IL1RAPL1: variants seen among roughly 807,000 people sequenced by gnomAD.
The protein encoded by IL1RAPL1 is interleukin-1 receptor accessory protein-like 1.
IL1RAPL1 carries 3 observed loss-of-function variants against 48.4 expected under a neutral mutation model. That is an observed-to-expected ratio of 0.06 (90% confidence interval 0.03 to 0.16). The LOEUF (loss-of-function observed/expected upper bound fraction) is 0.16. IL1RAPL1 is among the 10% of genes least tolerant of loss of function. IL1RAPL1 has a pLI of 1.00. For synonymous variants in IL1RAPL1, 185 were observed against 187.7 expected, an observed-to-expected ratio of 0.99 and a Z score of 0.12; for missense variants, 349 against 530.6, an observed-to-expected ratio of 0.66 and a Z score of 3.36.
rs193282232 is a variant in IL1RAPL1 at position 29,184,753 on chromosome X, G to A, written c.83-98185G>A. On this transcript the variant is annotated intron_variant, in intron 2 of 10. Transcript: ENST00000378993. ...TGACCTCAAGTCATCTGCCTGCCTC[G>A]GCTTCCCAAAGTGCTAGGATTGCAA... is the stretch of plus-strand genomic sequence containing the variant. Among the ~76,000 whole-genome samples, 24 of 111,361 alleles carry A rather than the reference G, an allele frequency of 2.2e-4. No homozygotes were observed. In the East Asian group the frequency reaches 6.0e-3, roughly 28 times the overall value.
intron 6 of IL1RAPL1, among the ~76,000 whole-genome samples, chrX:29,741,989 G>A (rs147695404): frequency 0.029 from 2,898 of 100,029 alleles, 105 homozygotes; most frequent in African/African-American, 0.1. Flanking sequence ...GACCATATAC[G>A]ATCTCTTAAC....
intron 2 of IL1RAPL1, among the ~76,000 whole-genome samples, chrX:28,880,892 G>A (rs979155966): frequency 2.7e-5 from 3 of 111,540 alleles, no homozygotes; most frequent in East Asian, 5.6e-4. Context: ...AGAAATGTGT[G>A]CTTTTTAATT....
At chrX:28,911,037 A>G (rs1156856935) in intron 2 of IL1RAPL1, among the ~76,000 whole-genome samples, 2 of 111,507 alleles carry the variant, frequency 1.8e-5, no homozygotes, top group Non-Finnish European at 1.9e-5. Flanking sequence ...TTTAGCAAAG[A>G]AAATGCAAAT....
chrX:29,059,203 A>AT (rs59599473), intron 2 of IL1RAPL1, among the ~76,000 whole-genome samples: 7 of 110,136 alleles, frequency 6.4e-5, no homozygotes, highest in South Asian at 3.8e-4. Flanking sequence ...TGGAAAGTAG[A>AT]TTTTTTTTTG....
At chrX:29,681,951 T>G (rs1212326760) in intron 6 of IL1RAPL1, among the ~76,000 whole-genome samples, 1 of 111,481 alleles carries the variant, frequency 9.0e-6, no homozygotes, top group African/African-American at 3.3e-5. Context: ...CTTAAAAATA[T>G]TATGTGTTTC....
chrX:28,834,108 G>T (rs937452739), intron 2 of IL1RAPL1, among the ~76,000 whole-genome samples: 2 of 111,251 alleles, frequency 1.8e-5, no homozygotes, highest in African/African-American at 6.5e-5. Flanking sequence ...CTGATTAAAA[G>T]ATTACATTTC....
At chrX:28,972,565 C>T (rs982738457) in intron 2 of IL1RAPL1, among the ~76,000 whole-genome samples, 7 of 110,446 alleles carry the variant, frequency 6.3e-5, no homozygotes, top group African/African-American at 2.0e-4. Context: ...AGTGAAACCC[C>T]GTCTCCACTA....
chrX:28,972,540 C>T (rs1255975941), intron 2 of IL1RAPL1, among the ~76,000 whole-genome samples: 1 of 110,855 alleles, frequency 9.0e-6, no homozygotes, highest in African/African-American at 3.3e-5. Context: ...AGATCGAGAC[C>T]ATCCTGGCTA....
intron 2 of IL1RAPL1, among the ~76,000 whole-genome samples, chrX:29,160,076 C>A (rs1433964280): frequency 1.8e-5 from 2 of 111,876 alleles, no homozygotes; most frequent in Non-Finnish European, 1.9e-5. Context: ...GACTCAATGT[C>A]CTTATGTGGT....
At chrX:29,498,079 G>A (rs1714747492) in intron 5 of IL1RAPL1, among the ~76,000 whole-genome samples, 1 of 112,214 alleles carries the variant, frequency 8.9e-6, no homozygotes, top group Admixed American at 9.4e-5. Context: ...TGCCAATGAC[G>A]CTAACCATGA....
At chrX:29,489,301 T>A (rs1178110519) in intron 5 of IL1RAPL1, among the ~76,000 whole-genome samples, 1 of 111,379 alleles carries the variant, frequency 9.0e-6, no homozygotes, top group East Asian at 2.8e-4. Flanking sequence ...CTGTACATTA[T>A]ACAATTTTTG....
intron 1 of IL1RAPL1, among the ~76,000 whole-genome samples, chrX:28,706,505 C>T (rs1055285708): frequency 1.1e-4 from 12 of 108,303 alleles, no homozygotes; most frequent in East Asian, 5.8e-4. Flanking sequence ...CTCTGCTTCG[C>T]GGGTTCAAGT....
At chrX:29,608,622 C>G (rs190399237) in intron 5 of IL1RAPL1, among the ~76,000 whole-genome samples, 48 of 109,194 alleles carry the variant, frequency 4.4e-4, no homozygotes, top group African/African-American at 8.1e-4. Flanking sequence ...GTCAGGAGAT[C>G]GAGACCATCC....
At position 29,600,602 on chromosome X, in the gene IL1RAPL1, C is replaced by G. The variant is rs1202367295; in HGVS notation, c.704-67828C>G. Among the ~76,000 whole-genome samples, 4 of 111,354 alleles carry G rather than the reference C, an allele frequency of 3.6e-5. No homozygotes were observed. In the East Asian group the frequency reaches 1.1e-3, roughly 32 times the overall value. On this transcript the variant is annotated intron_variant, in intron 5 of 10. Coordinates refer to ENST00000378993, the MANE Select transcript of IL1RAPL1 (RefSeq NM_014271.4). ...CACGTGGTTAAGTATTCAGGTTTTT[C>G]AGGCGGTGGGCAGGGCCATAGACCT...
At chrX:28,608,005 G>T (rs755812387) in intron 1 of IL1RAPL1, among the ~76,000 whole-genome samples, 1 of 111,346 alleles carries the variant, frequency 9.0e-6, no homozygotes, top group Non-Finnish European at 1.9e-5. Context: ...GATAGACAAG[G>T]TTTCTTTCCT....
At chrX:28,635,234 T>C (rs1934450543) in intron 1 of IL1RAPL1, among the ~76,000 whole-genome samples, 1 of 112,290 alleles carries the variant, frequency 8.9e-6, no homozygotes, top group Admixed American at 9.5e-5. Flanking sequence ...CCATTTTTTG[T>C]TTCTGACTCA....
chrX:28,969,857 CTAAACACAT>C, intron 2 of IL1RAPL1, among the ~76,000 whole-genome samples: 1 of 96,974 alleles, frequency 1.0e-5, no homozygotes, highest in Non-Finnish European at 2.1e-5. Context: ...ATATATGTTT[CTAAACACAT>C]ATATATATGT....
At chrX:28,640,131 A>C (rs1442131700) in intron 1 of IL1RAPL1, among the ~76,000 whole-genome samples, 1 of 111,682 alleles carries the variant, frequency 9.0e-6, no homozygotes, top group Non-Finnish European at 1.9e-5. Context: ...TGTTTTAGTA[A>C]GTGAACAGTG....
intron 5 of IL1RAPL1, among the ~76,000 whole-genome samples, chrX:29,572,923 C>G (rs1451830009): frequency 8.9e-6 from 1 of 112,245 alleles, no homozygotes; most frequent in Non-Finnish European, 1.9e-5. Flanking sequence ...ATTAAAATAA[C>G]AGAAAAATAG....
Sources: gnomAD v4.1 joint callset for allele counts (sites outside exome capture counted in the v4.1 genomes callset) on GRCh38, gnomAD v4.1.1 for gene constraint, MANE v1.5 for transcripts, NCBI Gene and HGNC (gene_info 2026-07-23, HGNC 2026-07-21) for gene names.